Variants in PHF7 observed in about 807,000 individuals in gnomAD.
The protein encoded by PHF7 is E3 ubiquitin-protein ligase PHF7.
Under a neutral mutation model 47.5 loss-of-function variants are expected in PHF7, and 24 were observed. The observed-to-expected ratio is 0.51, with a 90% CI of 0.37 to 0.71. The LOEUF (loss-of-function observed/expected upper bound fraction) is 0.71, where lower values mean the gene tolerates loss of function less well. PHF7 is among the 30% of genes least tolerant of loss of function. The pLI, the probability that PHF7 is intolerant of heterozygous loss-of-function variation, is 0.00. For missense variants in PHF7, 361 were observed against 456.8 expected (o/e 0.79, Z 1.91); for synonymous variants, 156 against 153.8 (o/e 1.01, Z -0.11).
intron 4 of PHF7, among the ~76,000 whole-genome samples, chr3:52,418,815 T>A (rs1705697303): frequency 6.6e-6 from 1 of 151,930 alleles, no homozygotes; most frequent in Non-Finnish European, 1.5e-5. Flanking sequence ...GGAATTTTTT[T>A]TTTTTTTTTT....
chr3:52,421,618 A>G, intron 7 of PHF7, 30 bp from the exon 8 acceptor site: 1 of 1,294,688 alleles, frequency 7.7e-7, no homozygotes, highest in Non-Finnish European at 1.1e-6. Flanking sequence ...GTTTTTACAA[A>G]CACAGAGCTC....
Position 52,420,015 on chromosome 3 carries a change from C to A in PHF7, c.288+81C>A. 1 of 858,454 alleles carries A rather than the reference C, an allele frequency of 1.2e-6. No homozygotes were observed. 53.2% of individuals were successfully genotyped at this position (858,454 alleles called of 1,614,324 possible). A position where few individuals can be genotyped will look rare whatever the true frequency, so the allele number is the denominator to read the frequency against. ...ATCATTCCTGTTTCTGTTCTCTTCC[C>A]TACTTCCTAGTTTAGATGTCAAAGG... On this transcript the variant is annotated intron_variant, in intron 5 of 10. Transcript: ENST00000327906.
chr3:52,421,306 G>A (rs1705782054), intron 7 of PHF7, among the ~76,000 whole-genome samples: 1 of 152,202 alleles, frequency 6.6e-6, no homozygotes, highest in African/African-American at 2.4e-5. Context: ...TAGAGCAAAT[G>A]GGCTCATCCC....
intron 4 of PHF7, among the ~76,000 whole-genome samples, chr3:52,416,680 A>G (rs1254825963): frequency 6.6e-6 from 1 of 151,632 alleles, no homozygotes; most frequent in Non-Finnish European, 1.5e-5. Flanking sequence ...TAAAAATAAA[A>G]AAATTAGCCG....
intron 10 of PHF7, 90 bp downstream of exon 10, chr3:52,422,971 A>G (rs1291322028): frequency 1.3e-6 from 2 of 1,557,202 alleles, no homozygotes; most frequent in Non-Finnish European, 1.8e-6. Flanking sequence ...ATCCCACCAG[A>G]GGGGGATTAA....
intron 4 of PHF7, among the ~76,000 whole-genome samples, chr3:52,417,462 T>G (rs181111896): frequency 1.7e-3 from 256 of 152,350 alleles, no homozygotes; most frequent in African/African-American, 6.0e-3. Context: ...TTAAAATATA[T>G]CTCAGCAATG....
intron 4 of PHF7, among the ~76,000 whole-genome samples, chr3:52,415,743 C>T (rs1429054112): frequency 2.0e-5 from 3 of 152,264 alleles, no homozygotes; most frequent in South Asian, 4.1e-4. Context: ...TGGTAGTATT[C>T]GGTTGCATGA....
intron 9 of PHF7, 194 bp downstream of exon 9, chr3:52,422,532 C>T: frequency 1.5e-6 from 1 of 647,792 alleles, no homozygotes; most frequent in African/African-American, 1.8e-5. Context: ...AGGTCCGCTT[C>T]ACCTTGTGCC....
At chr3:52,418,372 G>A (rs1705683875) in intron 4 of PHF7, among the ~76,000 whole-genome samples, 1 of 152,174 alleles carries the variant, frequency 6.6e-6, no homozygotes, top group East Asian at 1.9e-4. Flanking sequence ...AAATCTTTCT[G>A]TATAGAACAT....
At position 52,414,513 on chromosome 3, in the gene PHF7, C is replaced by G. The variant is rs772183267; in HGVS notation, c.112C>G (p.Arg38Gly). 6.2e-7 allele frequency: 1 copy of G among 1,610,914 alleles called. No homozygotes were observed. Among genetic ancestry groups the G allele is most frequent in the Non-Finnish European group, 8.5e-7 (1 of 1,177,808 alleles). The change falls in exon 4 of 11, where the codon CGA (arginine) becomes GGA (glycine). Residue 38 changes from arginine (R) to glycine (G), a missense_variant. Coordinates refer to ENST00000327906, the MANE Select transcript of PHF7 (RefSeq NM_016483.7). The stretch of plus-strand genomic sequence containing the variant: ...TCTTCCAGTTTGCTGGCTATGCCTT[C>G]GAGAACCTGGGGATCCCGAAAAATT... ...SSGPVCWLCL[R>G]EPGDPEKLGE... is the part of the protein sequence containing the mutation.
chr3:52,411,625 C>T (rs1705439032), intron 1 of PHF7, among the ~76,000 whole-genome samples: 1 of 152,362 alleles, frequency 6.6e-6, no homozygotes, highest in African/African-American at 2.4e-5. Context: ...TCACCCAGCC[C>T]TCCTTCTAAG....
rs965257421 is a variant in PHF7, at chr3:52,410,755, C to G, written c.-562C>G. ...TAAAGCTCCAGTACAGCGGCGCCCT[C>G]AGACAGCTGGGAGGGTGGCTCTGGC... On this transcript the variant is annotated 5_prime_UTR_variant, in exon 1 of 11. Transcript: ENST00000327906. The G allele has an allele frequency of 6.6e-6, 1 of 152,530 alleles. No homozygotes were observed. The highest frequency in any genetic ancestry group is 2.4e-5 in the African/African-American group (1 of 41,466). 9.4% of individuals were successfully genotyped at this position (152,530 alleles called of 1,614,324 possible). A position where few individuals can be genotyped will look rare whatever the true frequency, so the allele number is the denominator to read the frequency against.
intron 7 of PHF7, among the ~76,000 whole-genome samples, chr3:52,421,294 G>A (rs1039784805): frequency 7.2e-5 from 11 of 152,180 alleles, no homozygotes; most frequent in Admixed American, 7.2e-4. Context: ...CTTCAGCATT[G>A]CTAGAGCAAA....
At position 52,422,245 on chromosome 3, in the gene PHF7, CA is replaced by C; in HGVS notation, c.705del (p.Ala237LeufsTer116). On this transcript the variant is annotated frameshift_variant, in exon 9 of 11. Transcript: ENST00000327906. LOFTEE classifies it high-confidence loss of function. The stretch of plus-strand genomic sequence containing the variant: ...AGAGATGCTGCCTGGGAACTCGAGC[CA>C]GGGGCTTTCTCAGACTTATATCAGC... ...PDRDAAWELE[P>X]GAFSDLYQRY... 1 of 1,613,560 alleles carries C rather than the reference CA, an allele frequency of 6.2e-7. No homozygotes were observed. Among genetic ancestry groups the C allele is most frequent in the Non-Finnish European group, 8.5e-7 (1 of 1,179,450 alleles).
chr3:52,412,673 CAT>C, intron 1 of PHF7, 136 bp from the exon 2 acceptor site: 1 of 571,724 alleles, frequency 1.7e-6, no homozygotes, highest in South Asian at 2.2e-5. Flanking sequence ...TGAGTTAACA[CAT>C]GTCAAGTACC....
chr3:52,415,377 G>A (rs758610038), intron 4 of PHF7, among the ~76,000 whole-genome samples: 4 of 152,080 alleles, frequency 2.6e-5, no homozygotes, highest in Non-Finnish European at 4.4e-5. Context: ...TGTATTTTTA[G>A]TAGAGACAGG....
chr3:52,418,677 G>A (rs1158266549), intron 4 of PHF7, among the ~76,000 whole-genome samples: 1 of 152,080 alleles, frequency 6.6e-6, no homozygotes, highest in African/African-American at 2.4e-5. Flanking sequence ...GGATTCCATG[G>A]GCCTGGGTGT....
chr3:52,420,662 T>C (rs113139306), intron 6 of PHF7, among the ~76,000 whole-genome samples: 5 of 152,314 alleles, frequency 3.3e-5, no homozygotes, highest in African/African-American at 9.6e-5. Flanking sequence ...CTTAGACAGC[T>C]GCTCAGCACT....
intron 2 of PHF7, among the ~76,000 whole-genome samples, chr3:52,413,170 C>T (rs537134346): frequency 3.9e-5 from 6 of 152,212 alleles, no homozygotes; most frequent in African/African-American, 1.2e-4. Context: ...ACAGAAGGCA[C>T]TACATTTCTT....
Sources: allele counts gnomAD v4.1 joint callset (sites outside exome capture counted in the v4.1 genomes callset), GRCh38; gene constraint gnomAD v4.1.1; transcripts MANE v1.5; gene names NCBI Gene and HGNC (gene_info 2026-07-23, HGNC 2026-07-21).